The following PLXNA4 variants were observed in gnomAD, a reference collection of about 807,000 sequenced individuals.
PLXNA4 encodes plexin-A4.
Under a neutral mutation model 191.8 loss-of-function variants are expected in PLXNA4, and 44 were observed. The observed-to-expected ratio is 0.23, with a 90% CI of 0.18 to 0.29. The LOEUF is 0.29. Ranked by LOEUF, PLXNA4 falls within the 10% of genes least tolerant of loss-of-function variation. The probability of loss-of-function intolerance (pLI) is 1.00; values close to 1 mark genes in which losing one functional copy is unlikely to be tolerated. For missense variants in PLXNA4, 1,800 were observed against 2,488.8 expected, an observed-to-expected ratio of 0.72 and a Z score of 5.89; for synonymous variants, 1,082 against 1,009.5, an observed-to-expected ratio of 1.07 and a Z score of -1.36.
chr7:132,400,456 C>T (rs750870486), intron 3 of PLXNA4, among the ~76,000 whole-genome samples: 11 of 152,158 alleles, frequency 7.2e-5, no homozygotes, highest in Admixed American at 4.6e-4. Context: ...ATATGTTTGA[C>T]AAAATCAAGC....
chr7:132,496,989 G>T (rs1798043992), intron 2 of PLXNA4, among the ~76,000 whole-genome samples: 1 of 152,146 alleles, frequency 6.6e-6, no homozygotes, highest in Non-Finnish European at 1.5e-5. Flanking sequence ...AGAAATTCAA[G>T]TTAGGAGAAA....
chr7:132,621,833 T>C (rs1408046693), intron 2 of PLXNA4, among the ~76,000 whole-genome samples: 1 of 152,204 alleles, frequency 6.6e-6, no homozygotes, highest in Non-Finnish European at 1.5e-5. Context: ...TTAGTGAAAA[T>C]GGTTTCCCAC....
intron 2 of PLXNA4, among the ~76,000 whole-genome samples, chr7:132,644,453 T>C (rs1296555864): frequency 1.3e-5 from 2 of 152,236 alleles, no homozygotes; most frequent in Non-Finnish European, 2.9e-5. Context: ...ATGGCTCTTC[T>C]GCCTGGCAGC....
chr7:132,199,993 A>C (rs1797380562), intron 12 of PLXNA4, among the ~76,000 whole-genome samples: 2 of 152,210 alleles, frequency 1.3e-5, no homozygotes, highest in Non-Finnish European at 2.9e-5. Context: ...GGAAGGTCAG[A>C]GGGAGAGTCT....
chr7:132,647,923 TCA>T (rs1304656645), intron 1 of PLXNA4, among the ~76,000 whole-genome samples: 4 of 150,748 alleles, frequency 2.7e-5, no homozygotes, highest in African/African-American at 9.8e-5. Flanking sequence ...TGTCATACAC[TCA>T]CACTCATACA....
At chr7:132,136,654 A>G (rs1795122347) in intron 30 of PLXNA4, among the ~76,000 whole-genome samples, 1 of 152,220 alleles carries the variant, frequency 6.6e-6, no homozygotes, top group Non-Finnish European at 1.5e-5. Context: ...GTGGGATGCC[A>G]GCAGAAATCC....
chr7:132,292,764 T>C (rs558463077), intron 4 of PLXNA4, among the ~76,000 whole-genome samples: 27 of 152,206 alleles, frequency 1.8e-4, no homozygotes, highest in Non-Finnish European at 2.4e-4. Flanking sequence ...TTTCATACTG[T>C]GGTGGGCAGC....
At chr7:132,543,265 T>C (rs532131512) in intron 1 of PLXNA4, among the ~76,000 whole-genome samples, 1 of 152,344 alleles carries the variant, frequency 6.6e-6, no homozygotes, top group African/African-American at 2.4e-5. Flanking sequence ...GCTGGTTTAC[T>C]TGTAGTTCCA....
At chr7:132,219,882 T>A (rs1170262677) in intron 9 of PLXNA4, among the ~76,000 whole-genome samples, 2 of 152,206 alleles carry the variant, frequency 1.3e-5, no homozygotes, top group African/African-American at 4.8e-5. Flanking sequence ...TACAGTTACC[T>A]GCTGTACAGG....
At position 132,310,206 on chromosome 7, in the gene PLXNA4, G is replaced by A. The variant is rs117926235; in HGVS notation, c.1372-11984C>T. Among the ~76,000 whole-genome samples, 18 of 152,346 alleles carry A rather than the reference G, an allele frequency of 1.2e-4. No individual in the cohort carries two copies. The East Asian group carries it at 3.3e-3, about 28-fold the overall frequency. On this transcript the variant is annotated intron_variant, in intron 3 of 31. Transcript: ENST00000321063. ...TCAGAATTTGGAGCTCAGAGCTGCC[G>A]TGAGGATCTCATCAGGTGAATTGTG...
intron 4 of PLXNA4, among the ~76,000 whole-genome samples, chr7:132,250,715 G>T (rs939473323): frequency 6.6e-6 from 1 of 152,214 alleles, no homozygotes; most frequent in Non-Finnish European, 1.5e-5. Context: ...GATGAGAGGA[G>T]TGTTCTGGCA....
In PLXNA4 at chr7:132,463,580, G is replaced by A. The variant is rs559066286; in HGVS notation, c.1371+25712C>T. Among the ~76,000 whole-genome samples the A allele has an allele frequency of 3.9e-4, 59 of 152,294 alleles. No homozygotes were observed. The South Asian group carries it at 4.8e-3, about 12-fold the overall frequency. On this transcript the variant is annotated intron_variant, in intron 3 of 31. Transcript: ENST00000321063. ...AGCTGCCAGGGTTAGAAACCAGCCCGTTTGTTGAATCCCTAATAATAATGT... is the reference window on the plus strand; with the variant it reads ...AGCTGCCAGGGTTAGAAACCAGCCCATTTGTTGAATCCCTAATAATAATGT...
chr7:132,408,316 G>A (rs549613248), intron 3 of PLXNA4, among the ~76,000 whole-genome samples: 3 of 152,176 alleles, frequency 2.0e-5, no homozygotes, highest in Admixed American at 6.5e-5. Flanking sequence ...ATAAAACATC[G>A]AAAGGAAATA....
At chr7:132,329,047 C>T (rs1802486077) in intron 3 of PLXNA4, among the ~76,000 whole-genome samples, 1 of 152,196 alleles carries the variant, frequency 6.6e-6, no homozygotes, top group Non-Finnish European at 1.5e-5. Flanking sequence ...TCTCGGACTC[C>T]CTCCAGACCT....
At chr7:132,412,035 T>A (rs1794476600) in intron 3 of PLXNA4, among the ~76,000 whole-genome samples, 1 of 152,114 alleles carries the variant, frequency 6.6e-6, no homozygotes, top group African/African-American at 2.4e-5. Flanking sequence ...GAGTTTGTTC[T>A]CCACTTCACA....
intron 25 of PLXNA4, among the ~76,000 whole-genome samples, chr7:132,156,787 G>T (rs34071937): frequency 0.2 from 30,229 of 152,214 alleles, 4,453 homozygotes; most frequent in African/African-American, 0.41. Flanking sequence ...CTCTCCCTGT[G>T]GGGGCTGTGA....
chr7:132,592,432 C>T (rs1802618264), intron 2 of PLXNA4, among the ~76,000 whole-genome samples: 1 of 152,126 alleles, frequency 6.6e-6, no homozygotes. Flanking sequence ...AAGATAAAAC[C>T]TCCTTCATAA....
At position 132,582,933 on chromosome 7, in the gene PLXNA4, G is replaced by A. The variant is rs2116814935; in HGVS notation, c.-87+62995C>T. Among the ~76,000 whole-genome samples, 4 of 152,276 alleles carry A rather than the reference G, an allele frequency of 2.6e-5. No homozygotes were observed. The South Asian group carries it at 8.3e-4, about 32-fold the overall frequency. On this transcript the variant is annotated intron_variant, in intron 2 of 4. Transcript: ENST00000378539. ...TGGGCAGGACTGGGCACCAATAGAT[G>A]TCCTGCCAGTCACTCCCTTCAGAGC...
intron 20 of PLXNA4, among the ~76,000 whole-genome samples, chr7:132,176,898 G>A (rs946742701): frequency 1.3e-4 from 20 of 151,922 alleles, no homozygotes; most frequent in Admixed American, 9.2e-4. Context: ...ATGTGTGCAC[G>A]CATGTGTGAA....
Sources: gnomAD v4.1 joint callset for allele counts (sites outside exome capture counted in the v4.1 genomes callset) on GRCh38, gnomAD v4.1.1 for gene constraint, MANE v1.5 for transcripts, NCBI Gene and HGNC (gene_info 2026-07-23, HGNC 2026-07-21) for gene names.